Variants in PPP3CA observed in about 807,000 individuals in gnomAD.
The protein encoded by PPP3CA is CAM-PRP catalytic subunit.
PPP3CA carries 14 observed loss-of-function variants against 66.5 expected under a neutral mutation model. That is an observed-to-expected ratio of 0.21 (90% CI 0.14 to 0.33). The LOEUF is 0.33. PPP3CA is among the 10% of genes least tolerant of loss of function. PPP3CA has a pLI of 1.00. For missense variants in PPP3CA, 317 were observed against 639.5 expected (o/e 0.50, Z 5.44); for synonymous variants, 232 against 226.2 (o/e 1.03, Z -0.23).
chr4:101,126,668 C>G (rs1722254964), intron 2 of PPP3CA, among the ~76,000 whole-genome samples: 1 of 152,152 alleles, frequency 6.6e-6, no homozygotes, highest in South Asian at 2.1e-4. Flanking sequence ...ACCTGACGAA[C>G]TCATATTTAT....
At chr4:101,225,499 C>A (rs1725753105) in intron 1 of PPP3CA, among the ~76,000 whole-genome samples, 1 of 151,784 alleles carries the variant, frequency 6.6e-6, no homozygotes, top group African/African-American at 2.4e-5. Flanking sequence ...GTTCAAATGA[C>A]CATTTTGCAA....
chr4:101,323,802 T>C (rs1028282817), intron 1 of PPP3CA, among the ~76,000 whole-genome samples: 1 of 152,148 alleles, frequency 6.6e-6, no homozygotes, highest in Non-Finnish European at 1.5e-5. Flanking sequence ...GCTATTACCG[T>C]GTTTTAATGA....
intron 2 of PPP3CA, among the ~76,000 whole-genome samples, chr4:101,129,614 T>C (rs966870192): frequency 6.6e-6 from 1 of 152,000 alleles, no homozygotes; most frequent in African/African-American, 2.4e-5. Flanking sequence ...GGGTCTGGAG[T>C]GGACCTCCAG....
At chr4:101,208,261 T>C (rs893000868) in intron 1 of PPP3CA, among the ~76,000 whole-genome samples, 3 of 152,110 alleles carry the variant, frequency 2.0e-5, no homozygotes, top group African/African-American at 2.4e-5. Context: ...TCAGATGATA[T>C]AAGTGTGTGC....
intron 1 of PPP3CA, among the ~76,000 whole-genome samples, chr4:101,340,177 C>T (rs761964990): frequency 1.3e-5 from 2 of 152,096 alleles, no homozygotes; most frequent in Admixed American, 1.3e-4. Flanking sequence ...ATTTGTTTCC[C>T]TCTTTTGCAG....
intron 1 of PPP3CA, among the ~76,000 whole-genome samples, chr4:101,231,655 T>C (rs909563984): frequency 6.6e-6 from 1 of 151,736 alleles, no homozygotes; most frequent in Admixed American, 6.6e-5. Flanking sequence ...ACAAATGCAT[T>C]ATAACACATA....
chr4:101,297,694 T>G (rs1031084912), intron 1 of PPP3CA, among the ~76,000 whole-genome samples: 1 of 152,152 alleles, frequency 6.6e-6, no homozygotes. Flanking sequence ...ACAGGCCTTT[T>G]TCCCTACTTC....
At chr4:101,169,924 G>C (rs1445061142) in intron 2 of PPP3CA, among the ~76,000 whole-genome samples, 1 of 152,130 alleles carries the variant, frequency 6.6e-6, no homozygotes, top group Non-Finnish European at 1.5e-5. Flanking sequence ...TCATTTTACA[G>C]TAAGTGTCAT....
At chr4:101,276,952 A>T (rs947754442) in intron 1 of PPP3CA, among the ~76,000 whole-genome samples, 1 of 151,842 alleles carries the variant, frequency 6.6e-6, no homozygotes, top group Middle Eastern at 3.2e-3. Flanking sequence ...CAACAAATGT[A>T]TAATGACATC....
At chr4:101,287,856 T>C (rs1727894328) in intron 1 of PPP3CA, among the ~76,000 whole-genome samples, 2 of 151,900 alleles carry the variant, frequency 1.3e-5, no homozygotes, top group Non-Finnish European at 2.9e-5. Context: ...ATATTGCTAA[T>C]CAAAGGCTGG....
chr4:101,304,171 A>C (rs1173981101), intron 1 of PPP3CA, among the ~76,000 whole-genome samples: 1 of 152,172 alleles, frequency 6.6e-6, no homozygotes, highest in African/African-American at 2.4e-5. Flanking sequence ...CTCTTTCATC[A>C]GGATATTTCA....
intron 2 of PPP3CA, among the ~76,000 whole-genome samples, chr4:101,177,804 T>C (rs1030800473): frequency 1.3e-5 from 2 of 151,372 alleles, no homozygotes; most frequent in African/African-American, 4.9e-5. Context: ...TGATATATCT[T>C]ACCAGGAATG....
intron 6 of PPP3CA, among the ~76,000 whole-genome samples, chr4:101,091,230 A>G (rs1194833179): frequency 6.6e-6 from 1 of 152,218 alleles, no homozygotes; most frequent in East Asian, 1.9e-4. Context: ...CTAGGGTATA[A>G]TTAGAAAGTT....
chr4:101,221,819 T>A (rs1725634146), intron 1 of PPP3CA, among the ~76,000 whole-genome samples: 1 of 151,588 alleles, frequency 6.6e-6, no homozygotes, highest in Non-Finnish European at 1.5e-5. Context: ...ACTTTTCTGT[T>A]TCAAGAAACA....
intron 2 of PPP3CA, among the ~76,000 whole-genome samples, chr4:101,117,958 A>G (rs749544939): frequency 1.4e-4 from 21 of 151,998 alleles, no homozygotes; most frequent in Non-Finnish European, 2.5e-4. Context: ...ATAAGTTATT[A>G]TTAATAAATT....
intron 2 of PPP3CA, among the ~76,000 whole-genome samples, chr4:101,183,400 A>G (rs919565296): frequency 2.0e-5 from 3 of 152,148 alleles, no homozygotes; most frequent in Admixed American, 6.5e-5. Context: ...ACTCAGCCAT[A>G]TATAGTGATA....
At chr4:101,336,614 A>C (rs1361437058) in intron 1 of PPP3CA, among the ~76,000 whole-genome samples, 1 of 152,184 alleles carries the variant, frequency 6.6e-6, no homozygotes. Flanking sequence ...TGTTTTTAAT[A>C]GCAAATGAGC....
chr4:101,055,750 G>A (rs1728198244), intron 10 of PPP3CA, among the ~76,000 whole-genome samples: 1 of 151,924 alleles, frequency 6.6e-6, no homozygotes, highest in Non-Finnish European at 1.5e-5. Context: ...CTTAGCCTAT[G>A]TTAAAATAAT....
intron 1 of PPP3CA, among the ~76,000 whole-genome samples, chr4:101,275,118 T>C (rs1268051786): frequency 6.6e-6 from 1 of 152,190 alleles, no homozygotes; most frequent in Non-Finnish European, 1.5e-5. Flanking sequence ...CTCATAACCC[T>C]CATACTTAAC....
Sources: gnomAD v4.1 joint callset for allele counts (sites outside exome capture counted in the v4.1 genomes callset) on GRCh38, gnomAD v4.1.1 for gene constraint, MANE v1.5 for transcripts, NCBI Gene and HGNC (gene_info 2026-07-23, HGNC 2026-07-21) for gene names.